The following ARID4B variants were observed in gnomAD, a reference collection of about 807,000 sequenced individuals.
ARID4B encodes the protein AT-rich interactive domain-containing protein 4B.
Under a neutral mutation model 147.5 loss-of-function variants are expected in ARID4B, and 26 were observed. That is an observed-to-expected ratio of 0.18 (90% CI 0.13 to 0.24). ARID4B has a LOEUF of 0.24. Among genes scored for constraint, ARID4B ranks in the 10% least tolerant of loss-of-function variants. ARID4B has a pLI of 1.00. For missense variants in ARID4B, 1,179 were observed against 1,511.5 expected (o/e 0.78, Z 3.65); for synonymous variants, 512 against 507.9 (o/e 1.01, Z -0.11).
chr1:235,186,800 A>G (rs145689010), intron 19 of ARID4B, among the ~76,000 whole-genome samples: 1 of 152,096 alleles, frequency 6.6e-6, no homozygotes, highest in African/African-American at 2.4e-5. Flanking sequence ...GGTTCAAGCA[A>G]TTCTCATGCT....
rs961439240 is a variant in ARID4B, at chr1:235,181,967, T to C, written c.2952A>G (p.Leu984=). 1.9e-6 allele frequency: 3 copies of C among 1,613,948 alleles called. No homozygotes were observed. Among genetic ancestry groups the C allele is most frequent in the East Asian group, 2.2e-5 (1 of 44,878 alleles). ...EEESCSPSVE[L]EKPPPVNVDS... ...CGACATTGACTGGAGGTGGTTTTTC[T>C]AGTTCTACACTGGGTGAACAACTCT... Residue 984 remains leucine (L), a synonymous_variant, in exon 20 of 24, where the codon CTA becomes CTG. Coordinates refer to ENST00000264183, the MANE Select transcript of ARID4B (RefSeq NM_016374.6).
chr1:235,282,070 C>G (rs1671702222), intron 2 of ARID4B, among the ~76,000 whole-genome samples: 1 of 152,046 alleles, frequency 6.6e-6, no homozygotes, highest in African/African-American at 2.4e-5. Flanking sequence ...CAGTGAAATA[C>G]TAGAATATAG....
intron 7 of ARID4B, among the ~76,000 whole-genome samples, chr1:235,242,057 G>A (rs1669018182): frequency 2.0e-5 from 3 of 151,894 alleles, no homozygotes; most frequent in Admixed American, 2.0e-4. Context: ...AGACCAGCCT[G>A]GCCAAAATGG....
At chr1:235,194,236 G>A (rs746083811) in intron 18 of ARID4B, 25 bp from the exon 19 acceptor site, 60 of 1,514,238 alleles carry the variant, frequency 4.0e-5, no homozygotes, top group African/African-American at 6.9e-5. Context: ...AAAGTATGTC[G>A]TAATTTATCA....
At chr1:235,179,902 C>A (rs944010226) in intron 20 of ARID4B, among the ~76,000 whole-genome samples, 1 of 151,536 alleles carries the variant, frequency 6.6e-6, no homozygotes, top group Non-Finnish European at 1.5e-5. Flanking sequence ...AATGCCATCT[C>A]TACTAAAAAT....
chr1:235,288,318 AAAGT>A (rs1672117908), intron 2 of ARID4B, among the ~76,000 whole-genome samples: 1 of 152,204 alleles, frequency 6.6e-6, no homozygotes, highest in Non-Finnish European at 1.5e-5. Flanking sequence ...CAAAAAAAAA[AAAGT>A]AAGTCCTAAA....
intron 10 of ARID4B, among the ~76,000 whole-genome samples, chr1:235,230,594 T>TAAAAAAA (rs1175996354): frequency 3.4e-5 from 2 of 58,362 alleles, no homozygotes; most frequent in African/African-American, 6.7e-5. Flanking sequence ...GACTATAAGC[T>TAAAAAAA]AAAAAAAAAA....
chr1:235,259,298 T>A (rs1170369423), intron 3 of ARID4B, among the ~76,000 whole-genome samples: 3 of 152,250 alleles, frequency 2.0e-5, no homozygotes. Flanking sequence ...AAGATGGGGC[T>A]TAAATCCAGC....
intron 11 of ARID4B, among the ~76,000 whole-genome samples, chr1:235,227,920 C>A (rs1051189670): frequency 3.3e-5 from 5 of 151,188 alleles, no homozygotes; most frequent in Non-Finnish European, 7.4e-5. Context: ...GCAAGCTCCG[C>A]CTCCCGGGTT....
chr1:235,301,866 T>C (rs1355050754), intron 2 of ARID4B, among the ~76,000 whole-genome samples: 1 of 151,728 alleles, frequency 6.6e-6, no homozygotes, highest in Non-Finnish European at 1.5e-5. Flanking sequence ...AGGTGCCTGC[T>C]ACCACACCCA....
intron 2 of ARID4B, 169 bp downstream of exon 2, chr1:235,326,745 G>T: frequency 1.3e-6 from 1 of 778,590 alleles, no homozygotes; most frequent in Non-Finnish European, 2.2e-6. Context: ...CAACTCCACA[G>T]CAAAGCCCGC....
intron 2 of ARID4B, among the ~76,000 whole-genome samples, chr1:235,263,123 T>TA: frequency 6.6e-6 from 1 of 152,274 alleles, no homozygotes; most frequent in Non-Finnish European, 1.5e-5. Flanking sequence ...CCTCCTCTAT[T>TA]AACACATTCT....
intron 2 of ARID4B, among the ~76,000 whole-genome samples, chr1:235,299,128 T>C (rs968134648): frequency 1.3e-5 from 2 of 152,324 alleles, no homozygotes; most frequent in East Asian, 3.9e-4. Flanking sequence ...CATTATACTT[T>C]CTAGAGCCAC....
chr1:235,269,476 G>C (rs1670828413), intron 2 of ARID4B, among the ~76,000 whole-genome samples: 1 of 152,184 alleles, frequency 6.6e-6, no homozygotes, highest in African/African-American at 2.4e-5. Flanking sequence ...AGAAAAAGTA[G>C]ACAGACCGAA....
At chr1:235,199,486 T>C (rs1345269599) in intron 17 of ARID4B, among the ~76,000 whole-genome samples, 5 of 152,218 alleles carry the variant, frequency 3.3e-5, no homozygotes, top group Non-Finnish European at 7.3e-5. Flanking sequence ...GGGCCTTTAT[T>C]TCACAAGTTA....
rs1343861362 is a variant in ARID4B at position 235,260,875 on chromosome 1, CA to C, written c.7-124del. 1.1e-5 allele frequency: 7 copies of C among 624,600 alleles called. No homozygotes were observed. The East Asian group carries it at 2.1e-4, about 19-fold the overall frequency. 38.7% of individuals were successfully genotyped at this position (624,600 alleles called of 1,614,324 possible). On this transcript the variant is annotated intron_variant, in intron 2 of 23. Coordinates refer to ENST00000264183, the MANE Select transcript of ARID4B (RefSeq NM_016374.6). ...GTTATAAATATGAAATGTATGTTAA[CA>C]AGACCAATCTATAAAATACTATAAA...
chr1:235,193,026 G>A (rs1412404022), intron 19 of ARID4B, among the ~76,000 whole-genome samples: 1 of 151,900 alleles, frequency 6.6e-6, no homozygotes, highest in Non-Finnish European at 1.5e-5. Flanking sequence ...CCGGGAGGTG[G>A]AGCTTGCAAG....
At chr1:235,236,283 A>G (rs1027784783) in intron 8 of ARID4B, among the ~76,000 whole-genome samples, 10 of 152,148 alleles carry the variant, frequency 6.6e-5, no homozygotes, top group African/African-American at 1.2e-4. Context: ...AGGAGATAAC[A>G]TACATCAATA....
At chr1:235,281,024 G>A (rs539548924) in intron 2 of ARID4B, among the ~76,000 whole-genome samples, 4 of 151,714 alleles carry the variant, frequency 2.6e-5, no homozygotes, top group South Asian at 2.1e-4. Flanking sequence ...AAAAAAAAGC[G>A]GTTTCAAATG....
Sources: gnomAD v4.1 joint callset for allele counts (sites outside exome capture counted in the v4.1 genomes callset) on GRCh38, gnomAD v4.1.1 for gene constraint, MANE v1.5 for transcripts, NCBI Gene and HGNC (gene_info 2026-07-23, HGNC 2026-07-21) for gene names.